The following RIMS2 variants were observed in gnomAD, a reference collection of about 807,000 sequenced individuals.
RIMS2 encodes the protein regulating synaptic membrane exocytosis protein 2.
In RIMS2, 59 loss-of-function variants were observed where a neutral mutation model predicts 174.4. The ratio of observed to expected loss-of-function variants is 0.34; its 90% CI spans 0.27 to 0.42. RIMS2 has a LOEUF of 0.42. RIMS2 is among the 10% of genes least tolerant of loss of function. RIMS2 has a pLI of 1.00. For synonymous variants in RIMS2, 606 were observed against 572.5 expected, an observed-to-expected ratio of 1.06 and a Z score of -0.84; for missense variants, 1,620 against 1,666.3, an observed-to-expected ratio of 0.97 and a Z score of 0.48.
intron 19 of RIMS2, among the ~76,000 whole-genome samples, chr8:104,048,069 A>G (rs185130482): frequency 2.0e-5 from 3 of 152,272 alleles, no homozygotes; most frequent in African/African-American, 7.2e-5. Flanking sequence ...AATAAAAGCA[A>G]TTAAATAAAT....
chr8:103,593,805 TTAA>T (rs1248417476), intron 1 of RIMS2, among the ~76,000 whole-genome samples: 5 of 151,304 alleles, frequency 3.3e-5, no homozygotes, highest in Admixed American at 2.6e-4. Flanking sequence ...GGATTTATTA[TTAA>T]TAATTAAAAA....
intron 1 of RIMS2, among the ~76,000 whole-genome samples, chr8:103,504,943 C>T (rs1822696231): frequency 6.7e-6 from 1 of 148,622 alleles, no homozygotes; most frequent in Non-Finnish European, 1.5e-5. Context: ...CCACGACCTC[C>T]TGGGCTCAAG....
At chr8:103,941,084 C>T (rs947197802) in intron 13 of RIMS2, among the ~76,000 whole-genome samples, 12 of 152,078 alleles carry the variant, frequency 7.9e-5, no homozygotes, top group African/African-American at 2.2e-4. Context: ...TAGTATGCAA[C>T]TCAGGGTTAA....
chr8:103,644,263 C>T (rs1011498171), intron 1 of RIMS2, among the ~76,000 whole-genome samples: 4 of 152,102 alleles, frequency 2.6e-5, no homozygotes, highest in African/African-American at 7.2e-5. Context: ...ACATTTGGTT[C>T]TGGTAAGCTG....
At chr8:103,524,469 A>G (rs1833069471) in intron 1 of RIMS2, among the ~76,000 whole-genome samples, 1 of 152,218 alleles carries the variant, frequency 6.6e-6, no homozygotes, top group Non-Finnish European at 1.5e-5. Flanking sequence ...TCAATTGCCA[A>G]AAGTCCTGGT....
chr8:103,941,209 T>C (rs996061264), intron 13 of RIMS2, among the ~76,000 whole-genome samples: 5 of 152,108 alleles, frequency 3.3e-5, no homozygotes, highest in Non-Finnish European at 7.4e-5. Context: ...ACTCCAGGCA[T>C]GGTGGCTCAC....
At chr8:103,532,344 C>T (rs1252751400) in intron 1 of RIMS2, among the ~76,000 whole-genome samples, 1 of 152,134 alleles carries the variant, frequency 6.6e-6, no homozygotes, top group African/African-American at 2.4e-5. Flanking sequence ...TCAGCAAATA[C>T]TGCTTATGGG....
At chr8:104,231,681 G>A (rs2099230023) in intron 19 of RIMS2, among the ~76,000 whole-genome samples, 2 of 152,124 alleles carry the variant, frequency 1.3e-5, no homozygotes, top group South Asian at 2.1e-4. Context: ...TATGTAAAGT[G>A]TACATAACAA....
intron 1 of RIMS2, among the ~76,000 whole-genome samples, chr8:103,605,231 G>A: frequency 7.6e-6 from 1 of 130,790 alleles, no homozygotes; most frequent in African/African-American, 3.2e-5. Context: ...TTTTGTCAAA[G>A]GCTTTTTCTG....
At chr8:103,753,969 A>G (rs915034619) in intron 2 of RIMS2, among the ~76,000 whole-genome samples, 2 of 152,000 alleles carry the variant, frequency 1.3e-5, no homozygotes, top group Non-Finnish European at 2.9e-5. Context: ...GCCTTCTGCT[A>G]GCTTTTGAAT....
chr8:104,108,504 G>A (rs1210687903), intron 19 of RIMS2, among the ~76,000 whole-genome samples: 1 of 151,662 alleles, frequency 6.6e-6, no homozygotes, highest in East Asian at 1.9e-4. Flanking sequence ...TTTGCTGCGT[G>A]CCCAGGCTGG....
At position 103,655,060 on chromosome 8, in the gene RIMS2, G is replaced by A. The variant is rs2096509404; in HGVS notation, c.177-42026G>A. Among the ~76,000 whole-genome samples the A allele has an allele frequency of 2.0e-5, 3 of 151,886 alleles. No individual in the cohort carries two copies. The South Asian group carries it at 6.2e-4, about 32-fold the overall frequency. ...TCATTTCATATTCTTTAGCATAATAGGAAGATTTACTAATTTTGATTTTGG... is the reference window on the plus strand; with the variant it reads ...TCATTTCATATTCTTTAGCATAATAAGAAGATTTACTAATTTTGATTTTGG... On this transcript the variant is annotated intron_variant, in intron 1 of 23. Transcript: ENST00000504942.
At chr8:104,127,892 C>G (rs1200011627) in intron 19 of RIMS2, among the ~76,000 whole-genome samples, 1 of 152,180 alleles carries the variant, frequency 6.6e-6, no homozygotes, top group Non-Finnish European at 1.5e-5. Flanking sequence ...GATACTGACT[C>G]TGCCCAAAAG....
At chr8:103,823,529 T>A (rs918779160) in intron 3 of RIMS2, among the ~76,000 whole-genome samples, 3 of 152,148 alleles carry the variant, frequency 2.0e-5, no homozygotes, top group Admixed American at 6.5e-5. Flanking sequence ...CGGATTCTTT[T>A]CCTTTGAAAC....
At chr8:104,150,575 G>C (rs1262574557) in intron 19 of RIMS2, among the ~76,000 whole-genome samples, 1 of 152,098 alleles carries the variant, frequency 6.6e-6, no homozygotes, top group African/African-American at 2.4e-5. Context: ...TGACTCAAGT[G>C]GCTGCTAACT....
intron 19 of RIMS2, among the ~76,000 whole-genome samples, chr8:104,243,458 G>A (rs962971577): frequency 2.0e-5 from 3 of 152,070 alleles, no homozygotes; most frequent in East Asian, 1.9e-4. Flanking sequence ...AGGCCAAGGC[G>A]GGCAAATGAC....
intron 3 of RIMS2, among the ~76,000 whole-genome samples, chr8:103,824,451 A>C (rs371451654): frequency 1.2e-4 from 18 of 152,284 alleles, no homozygotes; most frequent in African/African-American, 4.3e-4. Flanking sequence ...CCACAATTTT[A>C]GTTTTGCTTT....
At chr8:104,012,723 G>A (rs1395407090) in intron 17 of RIMS2, among the ~76,000 whole-genome samples, 1 of 152,060 alleles carries the variant, frequency 6.6e-6, no homozygotes, top group Non-Finnish European at 1.5e-5. Flanking sequence ...TAAATTTAAG[G>A]ATACTTCCTT....
chr8:103,891,655 A>G (rs1381926860), intron 4 of RIMS2, among the ~76,000 whole-genome samples: 1 of 152,008 alleles, frequency 6.6e-6, no homozygotes, highest in Admixed American at 6.6e-5. Context: ...TTTCTGTATA[A>G]AATTTTGTGT....
Sources: allele counts gnomAD v4.1 joint callset (sites outside exome capture counted in the v4.1 genomes callset), GRCh38; gene constraint gnomAD v4.1.1; transcripts MANE v1.5; gene names NCBI Gene and HGNC (gene_info 2026-07-23, HGNC 2026-07-21).